Variants in ZNF599 observed in about 807,000 individuals in gnomAD.
ZNF599 encodes the protein zinc finger protein 599.
Under a neutral mutation model 11.7 loss-of-function variants are expected in ZNF599, and 10 were observed. That is an observed-to-expected ratio of 0.86 (90% CI 0.53 to 1.45). ZNF599 has a LOEUF of 1.45. ZNF599 is among the 40% of genes most tolerant of loss of function. ZNF599 has a pLI of 0.00. For missense variants in ZNF599, 688 were observed against 713.6 expected, an observed-to-expected ratio of 0.96 and a Z score of 0.41; for synonymous variants, 232 against 253.2, an observed-to-expected ratio of 0.92 and a Z score of 0.79.
intron 2 of ZNF599, among the ~76,000 whole-genome samples, chr19:34,769,133 T>G (rs766119529): frequency 9.2e-5 from 14 of 152,300 alleles, no homozygotes; most frequent in South Asian, 2.1e-4. Flanking sequence ...GTGAGGACAT[T>G]TGACTCAACC....
At chr19:34,803,933 T>C in the ZNF599 span, among the ~76,000 whole-genome samples, 9 of 152,140 alleles carry the variant, frequency 5.9e-5, no homozygotes, top group Non-Finnish European at 1.3e-4. Flanking sequence ...TATCCCAAAC[T>C]ATAGATCCCT....
chr19:34,770,173 T>C (rs1292613521), intron 1 of ZNF599, among the ~76,000 whole-genome samples: 1 of 152,230 alleles, frequency 6.6e-6, no homozygotes, highest in East Asian at 1.9e-4. Context: ...TAAATTTCAA[T>C]AGTCATCCTA....
At chr19:34,761,685 A>C (rs1164305733) in intron 3 of ZNF599, among the ~76,000 whole-genome samples, 2 of 152,226 alleles carry the variant, frequency 1.3e-5, no homozygotes, top group Non-Finnish European at 2.9e-5. Context: ...TGGGAAAAGG[A>C]GGAACCATTC....
the ZNF599 span, among the ~76,000 whole-genome samples, chr19:34,807,171 C>T: frequency 3.3e-5 from 5 of 152,350 alleles, no homozygotes; most frequent in Admixed American, 6.5e-5. Flanking sequence ...CTTTCAGAAA[C>T]GGCTTCATCA....
At chr19:34,786,726 T>C in the ZNF599 span, among the ~76,000 whole-genome samples, 1 of 152,092 alleles carries the variant, frequency 6.6e-6, no homozygotes, top group Admixed American at 6.6e-5. Flanking sequence ...CTTTTCTTCC[T>C]CCTAAAGGAG....
rs1376978909 is a variant in ZNF599, at chr19:34,759,154, A to G, written c.1647T>C (p.Ala549=). Residue 549 remains alanine (A), a synonymous_variant, in exon 4 of 4, where the codon GCT becomes GCC. Transcript: ENST00000329285. The part of the protein sequence containing the change: ...ECEKAFCDNF[A]LTQHMRTHTG... The stretch of plus-strand genomic sequence containing the variant: ...TGTGAGTTCTCATGTGCTGAGTTAA[A>G]GCAAAGTTGTCACAGAAGGCTTTCT... 3.7e-6 allele frequency: 6 copies of G among 1,612,860 alleles called. No homozygotes were observed. In the African/African-American group the frequency reaches 6.7e-5, roughly 18 times the overall value.
chr19:34,780,972 C>T, the ZNF599 span, among the ~76,000 whole-genome samples: 6 of 151,800 alleles, frequency 4.0e-5, no homozygotes, highest in Admixed American at 2.6e-4. Context: ...GTGGCTAACA[C>T]GATGAAACCC....
intron 1 of ZNF599, among the ~76,000 whole-genome samples, chr19:34,771,255 AAAAT>A (rs1385973126): frequency 2.0e-5 from 3 of 152,196 alleles, no homozygotes; most frequent in South Asian, 2.1e-4. Context: ...TCTTTCAAAA[AAAAT>A]AAATAAATAA....
the ZNF599 span, among the ~76,000 whole-genome samples, chr19:34,789,563 T>C: frequency 6.6e-6 from 1 of 152,192 alleles, no homozygotes; most frequent in African/African-American, 2.4e-5. Flanking sequence ...GGTGAGGTGA[T>C]GTCTCATTGT....
chr19:34,779,703 T>C, the ZNF599 span: 1 of 300,084 alleles, frequency 3.3e-6, no homozygotes, highest in African/African-American at 2.3e-5. Context: ...AAGGGTTTAA[T>C]TTGCTGCACA....
chr19:34,788,824 G>T, the ZNF599 span: 2 of 152,124 alleles, frequency 1.3e-5, no homozygotes, highest in African/African-American at 4.8e-5. Context: ...CTTTTTAAAA[G>T]TATTAACAGA....
chr19:34,759,169 G>C lies in ZNF599; in HGVS notation c.1632C>G (p.Phe544Leu). Residue 544 changes from phenylalanine to leucine, a missense_variant, in exon 4 of 4, where the codon TTC becomes TTG. Transcript: ENST00000329285. ...GCTGAGTTAAAGCAAAGTTGTCACA[G>C]AAGGCTTTCTCACATTCTTTGCATT... ...PFECKECEKA[F>L]CDNFALTQHM... The C allele has an allele frequency of 3.7e-6, 6 of 1,613,882 alleles. No homozygotes were observed. In the South Asian group the frequency reaches 6.6e-5, roughly 18 times the overall value.
the ZNF599 span, among the ~76,000 whole-genome samples, chr19:34,786,930 A>G: frequency 6.6e-6 from 1 of 152,184 alleles, no homozygotes; most frequent in Non-Finnish European, 1.5e-5. Flanking sequence ...TACTAACATT[A>G]AAGACTGTTC....
intron 3 of ZNF599, 67 bp from the exon 4 acceptor site, chr19:34,760,626 C>A: frequency 7.3e-7 from 1 of 1,373,694 alleles, no homozygotes; most frequent in South Asian, 1.4e-5. Context: ...AAAATCACCA[C>A]TTTAGCAGAA....
chr19:34,788,919 T>C, the ZNF599 span, among the ~76,000 whole-genome samples: 1 of 152,198 alleles, frequency 6.6e-6, no homozygotes, highest in Non-Finnish European at 1.5e-5. Context: ...ATTAATATAT[T>C]CCTACCTCAC....
chr19:34,765,098 T>C (rs1351442705), intron 3 of ZNF599: 1 of 151,732 alleles, frequency 6.6e-6, no homozygotes, highest in Non-Finnish European at 1.5e-5. Context: ...TTTTTTAATG[T>C]TGAGTAGAGA....
In ZNF599 at chr19:34,759,588, T is replaced by TA. The variant is rs1374850453; in HGVS notation, c.1212dup (p.Thr405TyrfsTer10). On this transcript the variant is annotated frameshift_variant, in exon 4 of 4. Coordinates refer to ENST00000329285, the MANE Select transcript of ZNF599 (RefSeq NM_001007248.3). LOFTEE classifies it low-confidence loss of function (END_TRUNC). ...TGTCGGATGAAAGTGGAGCGATGAG[T>TA]AAAGGCCTTTCCACATTCACCGCAC... 6.2e-7 allele frequency: 1 copy of TA among 1,613,728 alleles called. No individual in the cohort carries two copies. The highest frequency in any genetic ancestry group is 1.1e-5 in the South Asian group (1 of 91,068).
In ZNF599 at chr19:34,766,927, T is replaced by C. The variant is rs372395401; in HGVS notation, c.241+389A>G. 3 of 171,440 alleles carry C rather than the reference T, an allele frequency of 1.7e-5. No individual in the cohort carries two copies. The East Asian group carries it at 4.8e-4, about 27-fold the overall frequency. The allele number at this position is 171,440 out of a possible 1,614,324, so 10.6% of individuals were successfully genotyped here. A position where few individuals can be genotyped will look rare whatever the true frequency, so the allele number is the denominator to read the frequency against. On this transcript the variant is annotated intron_variant, in intron 3 of 3. Transcript: ENST00000329285. ...TACACAGCTTTCCTGCTGACCCACA[T>C]TGGGCTATGGCATGGATAAAAAAAC...
Position 34,759,865 on chromosome 19 carries a change from TA to T in ZNF599, c.935del (p.Leu312TyrfsTer19), listed in dbSNP as rs2069098866. ...NMTHTREKPF[L>X]CKECGKAFYY... ...AAAAAGCTTTCCCACATTCTTTGCA[TA>T]AAAAGGGTTTTTCTCGAGTGTGAGT... On this transcript the variant is annotated frameshift_variant, in exon 4 of 4. Transcript: ENST00000329285. LOFTEE classifies it low-confidence loss of function (END_TRUNC). 1 of 1,614,122 alleles carries T rather than the reference TA, an allele frequency of 6.2e-7. No homozygotes were observed. The highest frequency in any genetic ancestry group is 1.1e-5 in the South Asian group (1 of 91,074).
Sources: allele counts gnomAD v4.1 joint callset (sites outside exome capture counted in the v4.1 genomes callset), GRCh38; gene constraint gnomAD v4.1.1; transcripts MANE v1.5; gene names NCBI Gene and HGNC (gene_info 2026-07-23, HGNC 2026-07-21).